WDFY3: variants seen among roughly 807,000 people sequenced by gnomAD.
WDFY3 encodes the protein WD repeat and FYVE domain containing 3.
A neutral mutation model predicts 409.6 loss-of-function variants in WDFY3; 66 were observed. The observed-to-expected ratio is 0.16, with a 90% CI of 0.13 to 0.20. The LOEUF (loss-of-function observed/expected upper bound fraction) is 0.20. WDFY3 is among the 10% of genes least tolerant of loss of function. The pLI, the probability that WDFY3 is intolerant of heterozygous loss-of-function variation, is 1.00. For synonymous variants in WDFY3, 1,521 were observed against 1,537.1 expected, an observed-to-expected ratio of 0.99 and a Z score of 0.25; for missense variants, 3,031 against 4,298.1, an observed-to-expected ratio of 0.71 and a Z score of 8.24.
At chr4:84,727,131 G>A (rs147086096) in intron 44 of WDFY3, among the ~76,000 whole-genome samples, 291 of 152,014 alleles carry the variant, frequency 1.9e-3, no homozygotes, top group African/African-American at 5.1e-3. Flanking sequence ...TACGGCAAAC[G>A]TCTCAGTGCT....
chr4:84,689,492 C>T (rs937620376), intron 61 of WDFY3, among the ~76,000 whole-genome samples: 1 of 152,144 alleles, frequency 6.6e-6, no homozygotes. Flanking sequence ...AAGACTTTCT[C>T]CCTCTTTATA....
chr4:84,721,268 C>T, intron 47 of WDFY3, 141 bp downstream of exon 47: 1 of 1,125,842 alleles, frequency 8.9e-7, no homozygotes, highest in South Asian at 1.6e-5. Flanking sequence ...AAGTAGAGTA[C>T]TGAACCCAAA....
At chr4:84,943,961 G>A (rs999249539) in intron 1 of WDFY3, among the ~76,000 whole-genome samples, 1 of 152,124 alleles carries the variant, frequency 6.6e-6, no homozygotes, top group Non-Finnish European at 1.5e-5. Flanking sequence ...AAACATTCCA[G>A]ATTAGGATAT....
At chr4:84,890,373 T>C (rs1764787900) in intron 3 of WDFY3, among the ~76,000 whole-genome samples, 1 of 152,232 alleles carries the variant, frequency 6.6e-6, no homozygotes, top group South Asian at 2.1e-4. Flanking sequence ...GTGCTGGGAT[T>C]ACAGGTGTGA....
intron 3 of WDFY3, among the ~76,000 whole-genome samples, chr4:84,879,755 A>G (rs1763244917): frequency 6.6e-6 from 1 of 152,226 alleles, no homozygotes; most frequent in Non-Finnish European, 1.5e-5. Flanking sequence ...TACATTCAAA[A>G]TATGCGAAGA....
At chr4:84,872,835 A>C (rs1762301645) in intron 3 of WDFY3, among the ~76,000 whole-genome samples, 1 of 152,200 alleles carries the variant, frequency 6.6e-6, no homozygotes. Flanking sequence ...GATTCTATTG[A>C]CTTACCCTTG....
intron 29 of WDFY3, among the ~76,000 whole-genome samples, chr4:84,773,277 A>G (rs1744985797): frequency 6.6e-6 from 1 of 152,232 alleles, no homozygotes; most frequent in Non-Finnish European, 1.5e-5. Context: ...AAGTAACATT[A>G]TATAAAATAA....
chr4:84,852,655 A>G (rs758095415), intron 4 of WDFY3, among the ~76,000 whole-genome samples: 13 of 152,206 alleles, frequency 8.5e-5, no homozygotes, highest in Non-Finnish European at 1.9e-4. Context: ...GTACTTTTCA[A>G]TACTTCCTCA....
At chr4:84,913,637 G>C (rs1037978202) in intron 2 of WDFY3, among the ~76,000 whole-genome samples, 5 of 151,998 alleles carry the variant, frequency 3.3e-5, no homozygotes, top group Non-Finnish European at 5.9e-5. Context: ...ATCTGAAGAA[G>C]GGTTCCGATT....
rs534486229 is a variant in WDFY3, at chr4:84,809,371, T to A, written c.2345+516A>T. The A allele has an allele frequency of 5.7e-4, 88 of 153,540 alleles. No homozygotes were observed. In the Middle Eastern group the frequency reaches 0.01, roughly 18 times the overall value. 9.5% of individuals were successfully genotyped at this position (153,540 alleles called of 1,614,324 possible). A position where few individuals can be genotyped will look rare whatever the true frequency, so the allele number is the denominator to read the frequency against. On this transcript the variant is annotated intron_variant, in intron 14 of 67. Transcript: ENST00000295888. Reference sequence around the variant, plus strand: ...CATGCAGCAGCTTTTTGTTAAGTACTTATTTCATGAAGGAATGAGTAAATA... The same window carrying A: ...CATGCAGCAGCTTTTTGTTAAGTACATATTTCATGAAGGAATGAGTAAATA...
At position 84,772,857 on chromosome 4, in the gene WDFY3, A is replaced by G. The variant is rs1239108714; in HGVS notation, c.4827T>C (p.Asn1609=). 1 of 1,611,726 alleles carries G rather than the reference A, an allele frequency of 6.2e-7. No homozygotes were observed. The highest frequency in any genetic ancestry group is 1.1e-5 in the South Asian group (1 of 90,472). ...VCEKFVVMEI[N]NEEKLDTGTE... ...TACCAGTGTCAAGCTTCTCTTCATT[A>G]TTTATTTCCATTACTACAAATTTCT... Residue 1609 remains asparagine (N), a synonymous_variant, in exon 30 of 68, where the codon AAT becomes AAC. Transcript: ENST00000295888.
chr4:84,850,087 A>T, intron 4 of WDFY3, 62 bp from the exon 5 acceptor site: 1 of 1,515,240 alleles, frequency 6.6e-7, no homozygotes, highest in Non-Finnish European at 8.8e-7. Context: ...TATTTTGTGA[A>T]TTTTCAAGTG....
intron 1 of WDFY3, among the ~76,000 whole-genome samples, chr4:84,935,960 C>G (rs1211146601): frequency 6.6e-6 from 1 of 152,128 alleles, no homozygotes; most frequent in Non-Finnish European, 1.5e-5. Flanking sequence ...CCCATTTTGA[C>G]CCTGACATTT....
chr4:84,843,551 T>C (rs897726577), intron 5 of WDFY3, among the ~76,000 whole-genome samples: 1 of 152,072 alleles, frequency 6.6e-6, no homozygotes, highest in Admixed American at 6.6e-5. Flanking sequence ...TGCACCACCA[T>C]GCCTGGCTAA....
At chr4:84,709,926 A>G (rs1732604869) in intron 51 of WDFY3, among the ~76,000 whole-genome samples, 5 of 152,150 alleles carry the variant, frequency 3.3e-5, no homozygotes, top group Admixed American at 3.3e-4. Flanking sequence ...ATGGTTTACC[A>G]TGTTGGCCAG....
intron 3 of WDFY3, among the ~76,000 whole-genome samples, chr4:84,876,800 T>C (rs778588902): frequency 7.9e-5 from 12 of 151,316 alleles, no homozygotes; most frequent in East Asian, 1.9e-4. Context: ...AAAACTTACA[T>C]ATTACAACAT....
chr4:84,825,625 T>C (rs1030830382), intron 10 of WDFY3, among the ~76,000 whole-genome samples: 7 of 152,158 alleles, frequency 4.6e-5, no homozygotes, highest in Admixed American at 3.9e-4. Context: ...ACTTATGTAC[T>C]GAGGGCACAT....
At chr4:84,698,269 C>G (rs1055536095) in intron 56 of WDFY3, among the ~76,000 whole-genome samples, 1 of 148,572 alleles carries the variant, frequency 6.7e-6, no homozygotes, top group Non-Finnish European at 1.5e-5. Context: ...TTGTCTAATT[C>G]TATATAATAT....
rs1159472713 is a variant in WDFY3, at chr4:84,794,565, G to C, written c.3441C>G (p.Asp1147Glu). Residue 1147 changes from aspartate (D) to glutamate (E), a missense_variant, in exon 21 of 68, where the codon GAC (aspartate) becomes GAG (glutamate). Transcript: ENST00000295888. ...CTTTGGTGGAAACAATCAGAGATCG[G>C]TCTTTTGCTGATAGAACTATTGCAA... is the stretch of plus-strand genomic sequence containing the variant. Reference protein sequence around the residue: ...VCLAIVLSAKDRSLIVSTKEE... With the variant: ...VCLAIVLSAKERSLIVSTKEE... The C allele has an allele frequency of 6.2e-7, 1 of 1,614,034 alleles. No homozygotes were observed. The highest frequency in any genetic ancestry group is 8.5e-7 in the Non-Finnish European group (1 of 1,180,000).
Sources: gnomAD v4.1 joint callset for allele counts (sites outside exome capture counted in the v4.1 genomes callset) on GRCh38, gnomAD v4.1.1 for gene constraint, MANE v1.5 for transcripts, NCBI Gene and HGNC (gene_info 2026-07-23, HGNC 2026-07-21) for gene names.